Variants in RGS6 observed in about 807,000 individuals in gnomAD.
The protein encoded by RGS6 is regulator of G-protein signaling 6.
In RGS6, 30 loss-of-function variants were observed where a neutral mutation model predicts 78.5. The observed-to-expected ratio is 0.38, with a 90% CI of 0.29 to 0.52. The LOEUF is 0.52. Ranked by LOEUF, RGS6 falls within the 20% of genes least tolerant of loss-of-function variation. The probability of loss-of-function intolerance (pLI) is 0.85; values close to 1 mark genes in which losing one functional copy is unlikely to be tolerated. For synonymous variants in RGS6, 206 were observed against 206.0 expected, an observed-to-expected ratio of 1.00 and a Z score of 0.00; for missense variants, 495 against 609.7, an observed-to-expected ratio of 0.81 and a Z score of 1.98.
At chr14:72,165,145 C>G (rs17179797) in intron 2 of RGS6, among the ~76,000 whole-genome samples, 7,694 of 152,294 alleles carry the variant, frequency 0.051, 211 homozygotes, top group Middle Eastern at 0.1. Flanking sequence ...ATCCAGGGCT[C>G]TCACTTTGAA....
At chr14:72,214,245 C>G (rs543810042) in intron 2 of RGS6, among the ~76,000 whole-genome samples, 1 of 150,150 alleles carries the variant, frequency 6.7e-6, no homozygotes, top group South Asian at 2.1e-4. Context: ...GGTGCAACCT[C>G]GGCTCACTGC....
intron 2 of RGS6, among the ~76,000 whole-genome samples, chr14:72,188,517 C>G (rs550727953): frequency 6.6e-6 from 1 of 151,446 alleles, no homozygotes; most frequent in Non-Finnish European, 1.5e-5. Flanking sequence ...AATGAAAATA[C>G]GGGAGAAGAA....
chr14:72,532,449 ACT>A (rs1567067371), intron 15 of RGS6, among the ~76,000 whole-genome samples: 4 of 152,140 alleles, frequency 2.6e-5, no homozygotes, highest in East Asian at 1.9e-4. Flanking sequence ...CCAATTAATA[ACT>A]CTGCAGTGGT....
chr14:72,159,023 A>C (rs1356258600), intron 2 of RGS6, among the ~76,000 whole-genome samples: 1 of 152,224 alleles, frequency 6.6e-6, no homozygotes, highest in Non-Finnish European at 1.5e-5. Flanking sequence ...CTAATACCTA[A>C]TATAGTGCTT....
rs566090466 is a variant in RGS6, at chr14:72,313,496, G to T, written c.85-38599G>T. 5.3e-5 allele frequency among the ~76,000 whole-genome samples: 8 copies of T among 152,220 alleles called. 1 individual carries two copies. In the South Asian group the frequency reaches 6.2e-4, roughly 12 times the overall value. ...TCTTGATAGCCTTAAATCCCTGGGA[G>T]GGGGGGCTTGCATTTACTCTTACAC... On this transcript the variant is annotated intron_variant, in intron 2 of 17. Coordinates refer to ENST00000553525, the MANE Select transcript of RGS6 (RefSeq NM_001204424.2).
chr14:72,296,290 T>C (rs1005677263), intron 2 of RGS6, among the ~76,000 whole-genome samples: 2 of 152,220 alleles, frequency 1.3e-5, no homozygotes, highest in Non-Finnish European at 2.9e-5. Flanking sequence ...GTCTAAAAGC[T>C]GCCATGAAAA....
chr14:72,270,240 G>C (rs1183580353), intron 2 of RGS6, among the ~76,000 whole-genome samples: 1 of 146,028 alleles, frequency 6.8e-6, no homozygotes, highest in Non-Finnish European at 1.5e-5. Context: ...AACTCTTCTG[G>C]CACTCAGCCA....
chr14:72,028,924 T>A (rs1326124255), intron 2 of RGS6, among the ~76,000 whole-genome samples: 1 of 152,224 alleles, frequency 6.6e-6, no homozygotes, highest in Non-Finnish European at 1.5e-5. Context: ...CATAAATATT[T>A]GGCGTCATAA....
intron 13 of RGS6, among the ~76,000 whole-genome samples, chr14:72,503,022 A>G (rs1253614508): frequency 6.6e-6 from 1 of 151,528 alleles, no homozygotes; most frequent in Non-Finnish European, 1.5e-5. Flanking sequence ...AAAACAATAT[A>G]AAAATTTTTT....
chr14:72,237,915 C>A (rs2051584713), intron 2 of RGS6, among the ~76,000 whole-genome samples: 1 of 151,930 alleles, frequency 6.6e-6, no homozygotes. Flanking sequence ...TGTTAACCAG[C>A]TCAGTGGCAA....
chr14:71,939,982 C>T (rs1287678493), intron 1 of RGS6, among the ~76,000 whole-genome samples: 1 of 152,220 alleles, frequency 6.6e-6, no homozygotes, highest in Non-Finnish European at 1.5e-5. Flanking sequence ...GTTCTGCCAG[C>T]TGCTAAGTAT....
chr14:72,602,753 G>A, the RGS6 span, among the ~76,000 whole-genome samples: 2 of 152,220 alleles, frequency 1.3e-5, no homozygotes, highest in Admixed American at 6.5e-5. Context: ...GCATACAGGA[G>A]TGCAATGTAT....
intron 2 of RGS6, among the ~76,000 whole-genome samples, chr14:72,205,531 G>A (rs2042519601): frequency 6.6e-6 from 1 of 152,154 alleles, no homozygotes. Context: ...GCTCATGGAT[G>A]TGTTCTGAGC....
the RGS6 span, among the ~76,000 whole-genome samples, chr14:71,902,371 TA>T: frequency 6.6e-6 from 1 of 152,150 alleles, no homozygotes; most frequent in African/African-American, 2.4e-5. Flanking sequence ...TCATTAGGCT[TA>T]AAGAAAAAGC....
At chr14:72,118,801 T>G (rs1046029665) in intron 2 of RGS6, among the ~76,000 whole-genome samples, 1 of 152,254 alleles carries the variant, frequency 6.6e-6, no homozygotes, top group Non-Finnish European at 1.5e-5. Flanking sequence ...AATGTTACAC[T>G]TTTTAGTTAT....
At chr14:72,043,926 C>G (rs747653721) in intron 2 of RGS6, among the ~76,000 whole-genome samples, 15 of 152,208 alleles carry the variant, frequency 9.9e-5, no homozygotes, top group Non-Finnish European at 1.9e-4. Flanking sequence ...GCTGCTCCTT[C>G]CTACTCCTCC....
chr14:72,193,396 T>C (rs974901583), intron 2 of RGS6, among the ~76,000 whole-genome samples: 2 of 152,194 alleles, frequency 1.3e-5, no homozygotes, highest in Non-Finnish European at 2.9e-5. Context: ...GACACATCCC[T>C]TCCCCATAGT....
At chr14:72,429,786 G>T (rs1401292543) in intron 3 of RGS6, among the ~76,000 whole-genome samples, 1 of 152,112 alleles carries the variant, frequency 6.6e-6, no homozygotes, top group Non-Finnish European at 1.5e-5. Flanking sequence ...TCTCATCTTG[G>T]CTTATAATCC....
intron 13 of RGS6, among the ~76,000 whole-genome samples, chr14:72,508,561 C>CT (rs2096838529): frequency 1.1e-5 from 1 of 92,648 alleles, no homozygotes; most frequent in Admixed American, 1.3e-4. Context: ...CACACAAGCT[C>CT]CTTTTTTTTT....
Sources: gnomAD v4.1 joint callset for allele counts (sites outside exome capture counted in the v4.1 genomes callset) on GRCh38, gnomAD v4.1.1 for gene constraint, MANE v1.5 for transcripts, NCBI Gene and HGNC (gene_info 2026-07-23, HGNC 2026-07-21) for gene names.